KHSRP: variants seen among roughly 807,000 people sequenced by gnomAD.
KHSRP encodes KH-type splicing regulatory protein, also known as far upstream element-binding protein 2.
In KHSRP, 13 loss-of-function variants were observed where a neutral mutation model predicts 94.9. That is an observed-to-expected ratio of 0.14 (90% CI 0.09 to 0.22). The LOEUF (loss-of-function observed/expected upper bound fraction) is 0.22, where lower values mean the gene tolerates loss of function less well. Among genes scored for constraint, KHSRP ranks in the 10% least tolerant of loss-of-function variants. The probability of loss-of-function intolerance (pLI) is 1.00; values close to 1 mark genes in which losing one functional copy is unlikely to be tolerated. For synonymous variants in KHSRP, 495 were observed against 401.4 expected (o/e 1.23, Z -2.79); for missense variants, 710 against 1,010.0 (o/e 0.70, Z 4.03).
Position 6,414,845 on chromosome 19 carries a change from C to T in KHSRP, c.*179G>A. ...GTCTGCCTGCCCCCCGACTCCCCAG[C>T]AGTTCAGAAGTCCCGCCTGCGAGTC... On this transcript the variant is annotated 3_prime_UTR_variant, in exon 19 of 19. Coordinates refer to ENST00000600480, the MANE Select transcript of KHSRP (RefSeq NM_001366299.1). 7.9e-7 allele frequency: 1 copy of T among 1,263,312 alleles called. No homozygotes were observed. Among genetic ancestry groups the T allele is most frequent in the Non-Finnish European group, 1.0e-6 (1 of 1,002,848 alleles). The allele number at this position is 1,263,312 out of a possible 1,614,324, so 78.3% of individuals were successfully genotyped here.
In KHSRP at chr19:6,414,445, C is replaced by T. The variant is rs3852878; in HGVS notation, c.*579G>A. On this transcript the variant is annotated 3_prime_UTR_variant, in exon 19 of 19. Coordinates refer to ENST00000600480, the MANE Select transcript of KHSRP (RefSeq NM_001366299.1). ...GGTGGCTCCCGGCGCAGCACGACGACATGAACAATCCAGAGATCATGGTGT... is the reference window on the plus strand; with the variant it reads ...GGTGGCTCCCGGCGCAGCACGACGATATGAACAATCCAGAGATCATGGTGT... 1.1e-4 allele frequency: 130 copies of T among 1,206,444 alleles called. No individual in the cohort carries two copies. In the East Asian group the frequency reaches 4.3e-3, roughly 40 times the overall value. 74.7% of individuals were successfully genotyped at this position (1,206,444 alleles called of 1,614,324 possible). A position where few individuals can be genotyped will look rare whatever the true frequency, so the allele number is the denominator to read the frequency against.
At chr19:6,421,246 A>C (rs1218019025) in intron 4 of KHSRP, 32 bp downstream of exon 4, 2 of 1,569,058 alleles carry the variant, frequency 1.3e-6, no homozygotes, top group Admixed American at 1.9e-5. Context: ...GCCAACAGAC[A>C]AGAAAGCAGT....
chr19:6,415,781 C>A, intron 16 of KHSRP, 27 bp downstream of exon 16: 3 of 1,554,634 alleles, frequency 1.9e-6, no homozygotes, highest in Non-Finnish European at 2.6e-6. Context: ...ACAGGGCCTG[C>A]CCTCCGCCAG....
rs1568340070 is a variant in KHSRP, at chr19:6,414,244, C to CGCTGGCTCAGGCTGGAA, written c.*763_*779dup. On this transcript the variant is annotated 3_prime_UTR_variant, in exon 19 of 19. Coordinates refer to ENST00000600480, the MANE Select transcript of KHSRP (RefSeq NM_001366299.1). ...GCCAGGAAGCCCCCTCCCAAACCTG[C>CGCTGGCTCAGGCTGGAA]GCTGGCTCAGGCTGGAAGGACGTGC... The CGCTGGCTCAGGCTGGAA allele has an allele frequency of 1.3e-6, 2 of 1,497,386 alleles. No individual in the cohort carries two copies. The highest frequency in any genetic ancestry group is 2.8e-5 in the African/African-American group (2 of 70,578). 92.8% of individuals were successfully genotyped at this position (1,497,386 alleles called of 1,614,324 possible). A position where few individuals can be genotyped will look rare whatever the true frequency, so the allele number is the denominator to read the frequency against.
chr19:6,421,223 G>A, intron 4 of KHSRP, 55 bp downstream of exon 4: 2 of 1,517,258 alleles, frequency 1.3e-6, no homozygotes, highest in South Asian at 1.2e-5. Flanking sequence ...TCAGCAGAAA[G>A]GCCAGTCTGC....
chr19:6,416,059 C>T (rs1005195258), intron 15 of KHSRP, among the ~76,000 whole-genome samples, 163 bp from the exon 16 acceptor site: 1 of 152,216 alleles, frequency 6.6e-6, no homozygotes, highest in East Asian at 1.9e-4. Flanking sequence ...ACTCGAAGGA[C>T]GCGCAGCGTC....
intron 4 of KHSRP, 144 bp from the exon 5 acceptor site, chr19:6,420,615 TC>T: frequency 2.7e-6 from 2 of 746,510 alleles, no homozygotes; most frequent in Non-Finnish European, 4.7e-6. Flanking sequence ...GGCCTCAGTT[TC>T]CCCATCTGTG....
At chr19:6,417,330 G>A (rs192329356) in intron 11 of KHSRP, among the ~76,000 whole-genome samples, 63 of 152,274 alleles carry the variant, frequency 4.1e-4, no homozygotes, top group Middle Eastern at 3.4e-3. Context: ...CCCCAGCACT[G>A]AGAGATTTTA....
rs1429651121 is a variant in KHSRP at position 6,414,689 on chromosome 19, A to T, written c.*335T>A. 9.8e-7 allele frequency: 1 copy of T among 1,019,440 alleles called. No individual in the cohort carries two copies. The highest frequency in any genetic ancestry group is 5.4e-5 in the Admixed American group (1 of 18,378). The allele number at this position is 1,019,440 out of a possible 1,614,324, so 63.1% of individuals were successfully genotyped here. A position where few individuals can be genotyped will look rare whatever the true frequency, so the allele number is the denominator to read the frequency against. On this transcript the variant is annotated 3_prime_UTR_variant, in exon 19 of 19. Transcript: ENST00000600480. ...CAGGAAAAAAGATCATGGGTTTAAA[A>T]AATAAAAGAATAAAAAGAACAAAAA...
At chr19:6,424,424 C>T (rs1242827813) in intron 1 of KHSRP, 29 bp downstream of exon 1, 5 of 986,042 alleles carry the variant, frequency 5.1e-6, no homozygotes, top group African/African-American at 3.5e-5. Flanking sequence ...CGCGCGCGAG[C>T]GCGCCCCTCA....
chr19:6,420,960 CCCTCCTAG>C, intron 4 of KHSRP: 1 of 416,542 alleles, frequency 2.4e-6, no homozygotes, highest in Non-Finnish European at 4.3e-6. Context: ...GGAAGCAAGG[CCCTCCTAG>C]CCTCTTCCAG....
At chr19:6,423,983 C>A (rs558112587) in intron 1 of KHSRP, among the ~76,000 whole-genome samples, 54 of 152,322 alleles carry the variant, frequency 3.5e-4, no homozygotes, top group African/African-American at 1.3e-3. Context: ...TCCACTTTCC[C>A]GACTGAAGAG....
chr19:6,414,230 C>G lies in KHSRP; in HGVS notation c.*794G>C, dbSNP rs1599234016. The G allele has an allele frequency of 6.6e-7, 1 of 1,516,126 alleles. No individual in the cohort carries two copies. Among genetic ancestry groups the G allele is most frequent in the African/African-American group, 1.4e-5 (1 of 71,078 alleles). The allele number at this position is 1,516,126 out of a possible 1,614,324, so 93.9% of individuals were successfully genotyped here. A position where few individuals can be genotyped will look rare whatever the true frequency, so the allele number is the denominator to read the frequency against. ...ACACCGTGGGGGGGGCCAGGAAGCC[C>G]CCTCCCAAACCTGCGCTGGCTCAGG... On this transcript the variant is annotated 3_prime_UTR_variant, in exon 19 of 19. Coordinates refer to ENST00000600480, the MANE Select transcript of KHSRP (RefSeq NM_001366299.1).
chr19:6,422,741 G>A (rs1244799492), intron 1 of KHSRP, among the ~76,000 whole-genome samples: 3 of 152,096 alleles, frequency 2.0e-5, no homozygotes, highest in African/African-American at 7.2e-5. Flanking sequence ...AGGAACAGAG[G>A]CTCAGGTGTC....
chr19:6,414,560 G>C lies in KHSRP; in HGVS notation c.*464C>G. The C allele has an allele frequency of 9.8e-7, 1 of 1,022,328 alleles. No individual in the cohort carries two copies. Among genetic ancestry groups the C allele is most frequent in the Non-Finnish European group, 1.2e-6 (1 of 854,446 alleles). 63.3% of individuals were successfully genotyped at this position (1,022,328 alleles called of 1,614,324 possible). On this transcript the variant is annotated 3_prime_UTR_variant, in exon 19 of 19. Coordinates refer to ENST00000600480, the MANE Select transcript of KHSRP (RefSeq NM_001366299.1). Reference sequence around the variant, plus strand: ...AAGCCCGGGACACAGGCAAGCGCGAGCGCATGGGAGGCTGAGCCCGGCGGG... The same window carrying C: ...AAGCCCGGGACACAGGCAAGCGCGACCGCATGGGAGGCTGAGCCCGGCGGG...
chr19:6,420,475 T>TAAAG lies in KHSRP; in HGVS notation c.426-8_426-5dup. 1 of 1,613,798 alleles carries TAAAG rather than the reference T, an allele frequency of 6.2e-7. No individual in the cohort carries two copies. Among genetic ancestry groups the TAAAG allele is most frequent in the Non-Finnish European group, 8.5e-7 (1 of 1,179,768 alleles). On this transcript the variant is annotated splice_region_variant and splice_polypyrimidine_tract_variant and intron_variant, in intron 4 of 18. Coordinates refer to ENST00000600480, the MANE Select transcript of KHSRP (RefSeq NM_001366299.1). ...GTACTCTTCTGTCATTGAAGTCCTG[T>TAAAG]AAAGAGACACGCCAAAGGTCAGTCC...
chr19:6,419,490 G>A (rs1455996170), intron 6 of KHSRP, among the ~76,000 whole-genome samples: 3 of 152,190 alleles, frequency 2.0e-5, no homozygotes. Context: ...ATGAGGTGGA[G>A]GGAGTTGCAG....
In KHSRP at chr19:6,420,068, T is replaced by C; in HGVS notation, c.547+5A>G. 1.2e-6 allele frequency: 2 copies of C among 1,611,324 alleles called. No homozygotes were observed. Among genetic ancestry groups the C allele is most frequent in the Non-Finnish European group, 1.7e-6 (2 of 1,177,548 alleles). On this transcript the variant is annotated splice_donor_5th_base_variant and intron_variant, in intron 6 of 18. Coordinates refer to ENST00000600480, the MANE Select transcript of KHSRP (RefSeq NM_001366299.1). ...CACTCTGGCAGGAACCTGACGCTCT[T>C]ATACCTGGAGAAATCTGTACTTTGC...
At position 6,413,980 on chromosome 19, in the gene KHSRP, T is replaced by A; in HGVS notation, c.*1044A>T. 1 of 1,090,038 alleles carries A rather than the reference T, an allele frequency of 9.2e-7. No individual in the cohort carries two copies. The highest frequency in any genetic ancestry group is 1.3e-6 in the Non-Finnish European group (1 of 786,792). 67.5% of individuals were successfully genotyped at this position (1,090,038 alleles called of 1,614,324 possible). ...GCCCCCAAGTCCCCCCCACCCTGCT[T>A]GCCGCGAGGGCTCCCCAGTACTCCC... is the stretch of plus-strand genomic sequence containing the variant. On this transcript the variant is annotated 3_prime_UTR_variant, in exon 19 of 19. Coordinates refer to ENST00000600480, the MANE Select transcript of KHSRP (RefSeq NM_001366299.1).
Sources: allele counts gnomAD v4.1 joint callset (sites outside exome capture counted in the v4.1 genomes callset), GRCh38; gene constraint gnomAD v4.1.1; transcripts MANE v1.5; gene names NCBI Gene and HGNC (gene_info 2026-07-23, HGNC 2026-07-21).